SLC39A10: variants seen among roughly 807,000 people sequenced by gnomAD.
The protein encoded by SLC39A10 is zinc transporter ZIP10.
A neutral mutation model predicts 65.1 loss-of-function variants in SLC39A10; 13 were observed. That is an observed-to-expected ratio of 0.20 (90% confidence interval 0.13 to 0.32). SLC39A10 has a LOEUF of 0.32. Ranked by LOEUF, SLC39A10 falls within the 10% of genes least tolerant of loss-of-function variation. The pLI is 1.00. For missense variants in SLC39A10, 831 were observed against 1,018.4 expected (o/e 0.82, Z 2.50); for synonymous variants, 321 against 342.2 (o/e 0.94, Z 0.68).
At chr2:195,697,262 G>T (rs1386520324) in intron 3 of SLC39A10, among the ~76,000 whole-genome samples, 1 of 152,082 alleles carries the variant, frequency 6.6e-6, no homozygotes, top group Non-Finnish European at 1.5e-5. Context: ...ATTACATAAG[G>T]CACTTGAGCA....
At chr2:195,619,114 A>AAAGAGAG (rs1553490931) in intron 2 of SLC39A10, among the ~76,000 whole-genome samples, 1 of 131,926 alleles carries the variant, frequency 7.6e-6, no homozygotes, top group African/African-American at 3.2e-5. Context: ...AAAAAAAAAA[A>AAAGAGAG]AGAGAGAGAG....
chr2:195,729,061 C>T (rs984703846), intron 9 of SLC39A10, among the ~76,000 whole-genome samples: 4 of 151,842 alleles, frequency 2.6e-5, no homozygotes, highest in Non-Finnish European at 5.9e-5. Flanking sequence ...CAGCCTTGAC[C>T]TCCTGGGCTC....
At chr2:195,657,599 T>G in intron 1 of SLC39A10, 6 of 982,200 alleles carry the variant, frequency 6.1e-6, no homozygotes, top group Non-Finnish European at 7.3e-6. Context: ...CCCCCTCACC[T>G]TCCTGTGGAG....
chr2:195,653,666 C>T (rs1167402928), upstream of SLC39A10, among the ~76,000 whole-genome samples: 1 of 152,318 alleles, frequency 6.6e-6, no homozygotes, highest in East Asian at 1.9e-4. Context: ...ATGCCTGGTA[C>T]TAGTGTTTCA....
chr2:195,658,430 A>G (rs571677664), intron 1 of SLC39A10: 2 of 152,332 alleles, frequency 1.3e-5, no homozygotes, highest in East Asian at 3.9e-4. Context: ...ATGGTAGGTT[A>G]TACTGTTTTT....
At chr2:195,705,368 A>G (rs1433445335) in intron 3 of SLC39A10, among the ~76,000 whole-genome samples, 2 of 152,180 alleles carry the variant, frequency 1.3e-5, no homozygotes, top group Non-Finnish European at 2.9e-5. Flanking sequence ...TCTATTAGTG[A>G]TAGATTATCT....
chr2:195,660,430 C>G (rs1453385392), intron 1 of SLC39A10, among the ~76,000 whole-genome samples: 2 of 152,142 alleles, frequency 1.3e-5, no homozygotes, highest in Non-Finnish European at 2.9e-5. Context: ...TACCCTAAAG[C>G]TTAAAGTTTG....
At chr2:195,694,175 AT>A (rs1690850019) in intron 3 of SLC39A10, among the ~76,000 whole-genome samples, 1 of 151,962 alleles carries the variant, frequency 6.6e-6, no homozygotes, top group Non-Finnish European at 1.5e-5. Flanking sequence ...ACTTGATACA[AT>A]TTTCATTTTC....
intron 2 of SLC39A10, among the ~76,000 whole-genome samples, chr2:195,642,761 A>G (rs1688836946): frequency 6.6e-6 from 1 of 152,212 alleles, no homozygotes; most frequent in African/African-American, 2.4e-5. Flanking sequence ...AAGAGCCCCT[A>G]GGAACTGATG....
intron 1 of SLC39A10, chr2:195,657,642 G>T (rs1025160070): frequency 9.5e-5 from 94 of 984,966 alleles, no homozygotes; most frequent in African/African-American, 5.6e-4. Context: ...CGCCCGGGGT[G>T]GGGGAGTGAC....
intron 3 of SLC39A10, 100 bp from the exon 4 acceptor site, chr2:195,706,511 ATAGTC>A (rs1388362703): frequency 9.2e-7 from 1 of 1,084,350 alleles, no homozygotes; most frequent in African/African-American, 1.6e-5. Context: ...TCTGGGTAAA[ATAGTC>A]TACCTTCTAC....
chr2:195,688,995 T>C (rs1226887351), intron 3 of SLC39A10, among the ~76,000 whole-genome samples: 1 of 152,232 alleles, frequency 6.6e-6, no homozygotes, highest in Non-Finnish European at 1.5e-5. Context: ...TATATTTTTA[T>C]AGATTTTCTT....
chr2:195,652,623 G>A (rs971929354), upstream of SLC39A10, among the ~76,000 whole-genome samples: 5 of 150,716 alleles, frequency 3.3e-5, no homozygotes, highest in East Asian at 1.9e-4. Context: ...TTATTATGCC[G>A]ATGAAGCCTC....
At chr2:195,672,235 A>G (rs372514098) in intron 1 of SLC39A10, among the ~76,000 whole-genome samples, 2 of 151,986 alleles carry the variant, frequency 1.3e-5, no homozygotes, top group Non-Finnish European at 2.9e-5. Context: ...GGTTCAATCA[A>G]TCCTCCCACC....
intron 9 of SLC39A10, among the ~76,000 whole-genome samples, chr2:195,729,047 A>C (rs1233270748): frequency 1.3e-5 from 2 of 150,900 alleles, no homozygotes; most frequent in East Asian, 3.9e-4. Context: ...AATATGGCTC[A>C]CTGCAGCCTT....
intron 3 of SLC39A10, among the ~76,000 whole-genome samples, chr2:195,694,791 G>A (rs1390901022): frequency 1.3e-5 from 2 of 152,176 alleles, no homozygotes; most frequent in Non-Finnish European, 2.9e-5. Flanking sequence ...AGGATCAGGC[G>A]ATGGGTGGGG....
At chr2:195,688,322 TTCCTACGTGTAGG>T (rs1439014947) in intron 3 of SLC39A10, among the ~76,000 whole-genome samples, 16 of 152,216 alleles carry the variant, frequency 1.1e-4, no homozygotes, top group Middle Eastern at 3.2e-3. Context: ...TTGGTTTTTT[TTCCTACGTGTAGG>T]AAATTAGGAT....
At position 195,680,273 on chromosome 2, in the gene SLC39A10, A is replaced by C. The variant is rs1690250061; in HGVS notation, c.231A>C (p.Leu77Phe). Reference sequence around the variant, plus strand: ...AGCGTTATGGTGAAAATGGAAGATTATCCTTTTTTGGTTTGGAGAAACTTT... The same window carrying C: ...AGCGTTATGGTGAAAATGGAAGATTCTCCTTTTTTGGTTTGGAGAAACTTT... ...LFERYGENGRLSFFGLEKLLT... is the reference protein window; with the variant it reads ...LFERYGENGRFSFFGLEKLLT... The change falls in exon 2 of 10, where the codon TTA becomes TTC. Residue 77 changes from leucine to phenylalanine, a missense_variant. Transcript: ENST00000359634. 3 of 1,614,076 alleles carry C rather than the reference A, an allele frequency of 1.9e-6. No homozygotes were observed. The highest frequency in any genetic ancestry group is 4.5e-5 in the East Asian group (2 of 44,890).
At chr2:195,645,857 A>G (rs2105709091) in intron 2 of SLC39A10, among the ~76,000 whole-genome samples, 2 of 152,356 alleles carry the variant, frequency 1.3e-5, no homozygotes, top group Middle Eastern at 3.4e-3. Context: ...ATCATTCTAC[A>G]GGTACTGAAA....
Sources: gnomAD v4.1 joint callset for allele counts (sites outside exome capture counted in the v4.1 genomes callset) on GRCh38, gnomAD v4.1.1 for gene constraint, MANE v1.5 for transcripts, NCBI Gene and HGNC (gene_info 2026-07-23, HGNC 2026-07-21) for gene names.